DLGAP1: variants seen among roughly 807,000 people sequenced by gnomAD.
DLGAP1 encodes disks large-associated protein 1.
In DLGAP1, 11 loss-of-function variants were observed where a neutral mutation model predicts 90.8. The observed-to-expected ratio is 0.12, with a 90% confidence interval of 0.08 to 0.20. The LOEUF (loss-of-function observed/expected upper bound fraction) is 0.20. DLGAP1 is among the 10% of genes least tolerant of loss of function. DLGAP1 has a pLI of 1.00. For synonymous variants in DLGAP1, 558 were observed against 540.7 expected (o/e 1.03, Z -0.44); for missense variants, 1,050 against 1,333.8 (o/e 0.79, Z 3.31).
intron 3 of DLGAP1, among the ~76,000 whole-genome samples, chr18:3,956,878 C>T (rs1230212752): frequency 6.6e-6 from 1 of 152,072 alleles, no homozygotes; most frequent in Non-Finnish European, 1.5e-5. Flanking sequence ...TCTCAAACTC[C>T]TGGGCTCAAG....
chr18:4,041,564 T>C (rs748514558), intron 2 of DLGAP1, among the ~76,000 whole-genome samples: 13 of 152,232 alleles, frequency 8.5e-5, no homozygotes, highest in Non-Finnish European at 1.9e-4. Flanking sequence ...GAAAGAAACA[T>C]GTTCATATTA....
chr18:4,107,652 GT>G (rs1290877096), intron 2 of DLGAP1, among the ~76,000 whole-genome samples: 2 of 152,198 alleles, frequency 1.3e-5, no homozygotes, highest in South Asian at 2.1e-4. Context: ...ACTGAGTGAT[GT>G]GTAAATTATT....
chr18:4,042,932 A>T (rs2074997342), intron 2 of DLGAP1, among the ~76,000 whole-genome samples: 1 of 152,248 alleles, frequency 6.6e-6, no homozygotes, highest in Admixed American at 6.5e-5. Context: ...AGTTAACAGC[A>T]GAACATAGGA....
chr18:3,814,316 T>G, intron 4 of DLGAP1, 43 bp from the exon 5 acceptor site: 1 of 1,512,690 alleles, frequency 6.6e-7, no homozygotes, highest in Non-Finnish European at 9.0e-7. Context: ...TATAAAAGCC[T>G]ACCTTTTTCT....
rs374787743 is a variant in DLGAP1 at position 3,831,683 on chromosome 18, T to C, written c.958-17410A>G. ...AATTACAGCTTATATGGCTAATAAG[T>C]GGCAGAACTGGGTTAGAATTCAGAT... is the stretch of plus-strand genomic sequence containing the variant. On this transcript the variant is annotated intron_variant, in intron 4 of 12. Coordinates refer to ENST00000315677, the MANE Select transcript of DLGAP1 (RefSeq NM_004746.4). 1.2e-4 allele frequency among the ~76,000 whole-genome samples: 19 copies of C among 152,326 alleles called. 1 individual carries two copies. The East Asian group carries it at 3.3e-3, about 26-fold the overall frequency.
chr18:4,433,502 G>T (rs746347870), intron 1 of DLGAP1, among the ~76,000 whole-genome samples: 1 of 152,192 alleles, frequency 6.6e-6, no homozygotes, highest in African/African-American at 2.4e-5. Flanking sequence ...ATACACTGAT[G>T]GATACACATT....
At chr18:3,930,787 C>A (rs2072499064) in intron 3 of DLGAP1, among the ~76,000 whole-genome samples, 1 of 152,206 alleles carries the variant, frequency 6.6e-6, no homozygotes, top group East Asian at 1.9e-4. Context: ...GGACACTTAC[C>A]CAAGAACCTC....
intron 1 of DLGAP1, among the ~76,000 whole-genome samples, chr18:4,201,888 GTACAACCTC>G (rs1463992732): frequency 1.3e-5 from 2 of 152,044 alleles, no homozygotes; most frequent in African/African-American, 4.8e-5. Flanking sequence ...ATGTAAATTA[GTACAACCTC>G]TAAGGAAAAC....
intron 2 of DLGAP1, among the ~76,000 whole-genome samples, chr18:4,057,004 TACACACACACACACACACACACACAC>T (rs55887550): frequency 1.3e-4 from 15 of 115,020 alleles, no homozygotes; most frequent in African/African-American, 4.5e-4. Context: ...TGACCATACA[TACACACACACACACACACACACACAC>T]ACACACACAC....
At chr18:3,533,075 T>C (rs1414462017) in intron 10 of DLGAP1, among the ~76,000 whole-genome samples, 1 of 152,076 alleles carries the variant, frequency 6.6e-6, no homozygotes, top group Non-Finnish European at 1.5e-5. Flanking sequence ...GCGGATTGCC[T>C]GAGTTCAGTA....
At chr18:3,661,355 T>C (rs1483580270) in intron 7 of DLGAP1, among the ~76,000 whole-genome samples, 2 of 152,192 alleles carry the variant, frequency 1.3e-5, no homozygotes, top group Non-Finnish European at 2.9e-5. Context: ...TGTGGCTGCT[T>C]TGACCATTAG....
At chr18:4,182,265 C>G (rs1256596580) in intron 1 of DLGAP1, among the ~76,000 whole-genome samples, 2 of 152,138 alleles carry the variant, frequency 1.3e-5, no homozygotes, top group African/African-American at 2.4e-5. Flanking sequence ...TCTTTGCCCT[C>G]TCTCTATTTG....
In DLGAP1 at chr18:3,729,560, ATAGAT is replaced by A. The variant is rs149010160; in HGVS notation, c.1351-190_1351-186del. 0.05 allele frequency among the ~76,000 whole-genome samples: 7,629 copies of A among 152,088 alleles called. 601 individuals carry two copies. The highest frequency in any genetic ancestry group is 0.17 in the African/African-American group (7,122 of 41,396). Reference sequence around the variant, plus strand: ...TGGCATCCGCTTATAATTCCAAACAATAGATTACTTTTTTTTTCTTGTATTTTTAG... The same window carrying A: ...TGGCATCCGCTTATAATTCCAAACAATACTTTTTTTTTCTTGTATTTTTAG... On this transcript the variant is annotated intron_variant, in intron 6 of 12. Transcript: ENST00000315677. The surrounding 1 kb of genome is among the most constrained non-coding windows in gnomAD (Gnocchi z 6.2).
intron 1 of DLGAP1, among the ~76,000 whole-genome samples, chr18:4,393,627 T>A (rs1354569871): frequency 1.3e-5 from 2 of 152,226 alleles, no homozygotes; most frequent in Admixed American, 1.3e-4. Flanking sequence ...ATTTGTCTGA[T>A]TGCTTTTGTC....
At chr18:3,865,919 T>A (rs934102424) in intron 4 of DLGAP1, among the ~76,000 whole-genome samples, 8 of 152,182 alleles carry the variant, frequency 5.3e-5, no homozygotes, top group African/African-American at 1.9e-4. Context: ...TTATTCTTAG[T>A]CATGGTCACA....
intron 3 of DLGAP1, among the ~76,000 whole-genome samples, chr18:3,979,529 G>T (rs1204077815): frequency 3.9e-5 from 6 of 152,188 alleles, no homozygotes; most frequent in African/African-American, 1.2e-4. Flanking sequence ...AGAAAAAGTA[G>T]AAATTTGGTT....
intron 3 of DLGAP1, among the ~76,000 whole-genome samples, chr18:3,888,003 G>T (rs1201988767): frequency 6.6e-6 from 1 of 150,640 alleles, no homozygotes; most frequent in Non-Finnish European, 1.5e-5. Context: ...AGCTACTTGG[G>T]AGGCTGAGGC....
intron 8 of DLGAP1, among the ~76,000 whole-genome samples, chr18:3,575,525 T>C (rs1370458187): frequency 1.3e-5 from 2 of 152,134 alleles, no homozygotes; most frequent in Non-Finnish European, 2.9e-5. Context: ...TAAAAGACAA[T>C]GTAACCAACT....
intron 1 of DLGAP1, among the ~76,000 whole-genome samples, chr18:4,370,056 A>G (rs961368283): frequency 6.6e-6 from 1 of 152,114 alleles, no homozygotes; most frequent in African/African-American, 2.4e-5. Context: ...TTTAGACTGG[A>G]AGAGAAAAAA....
Sources: gnomAD v4.1 joint callset for allele counts (sites outside exome capture counted in the v4.1 genomes callset) on GRCh38, gnomAD v4.1.1 for gene constraint, Gnocchi (gnomAD v3.1) non-coding constraint, MANE v1.5 for transcripts, NCBI Gene and HGNC (gene_info 2026-07-23, HGNC 2026-07-21) for gene names.